Variants in CCDC88C observed in about 807,000 individuals in gnomAD.
CCDC88C encodes the protein coiled-coil and HOOK domain protein 88C.
CCDC88C carries 131 observed loss-of-function variants against 198.8 expected under a neutral mutation model. That is an observed-to-expected ratio of 0.66 (90% CI 0.57 to 0.76). The LOEUF is 0.76. Among genes scored for constraint, CCDC88C ranks in the 30% least tolerant of loss-of-function variants. The probability of loss-of-function intolerance (pLI) is 0.00; values close to 1 mark genes in which losing one functional copy is unlikely to be tolerated. For synonymous variants in CCDC88C, 1,166 were observed against 1,114.7 expected (o/e 1.05, Z -0.92); for missense variants, 2,553 against 2,631.6 (o/e 0.97, Z 0.65).
At chr14:91,324,631 AAC>A (rs1427103488) in intron 12 of CCDC88C, 146 bp downstream of exon 12, 35 of 1,011,494 alleles carry the variant, frequency 3.5e-5, no homozygotes, top group Non-Finnish European at 4.0e-5. Context: ...ACTGTAATGA[AAC>A]AGTTCCAAGT....
Position 91,403,893 on chromosome 14 carries a change from C to T in CCDC88C, c.270+4766G>A, listed in dbSNP as rs1198322804. On this transcript the variant is annotated intron_variant, in intron 3 of 29. Coordinates refer to ENST00000389857, the MANE Select transcript of CCDC88C (RefSeq NM_001080414.4). The stretch of plus-strand genomic sequence containing the variant: ...GTTGCAGTGAGCTAAGACTATACCA[C>T]TGCACTCTAGCCTGGGCGACAGAGA... Among the ~76,000 whole-genome samples the T allele has an allele frequency of 2.0e-5, 3 of 152,362 alleles. No homozygotes were observed. In the East Asian group the frequency reaches 5.8e-4, roughly 29 times the overall value.
chr14:91,303,966 TGGA>T lies in CCDC88C; in HGVS notation c.3367_3369del (p.Ser1123del), dbSNP rs763896652. 1.6e-5 allele frequency: 25 copies of T among 1,602,232 alleles called. No individual in the cohort carries two copies. The highest frequency in any genetic ancestry group is 2.0e-5 in the Non-Finnish European group (24 of 1,176,358). ...AGCGCTGCGCTCTGGGAACTCAGCG[TGGA>T]GTTCTCCACCTGCCGAGAGGGAGAA... is the stretch of plus-strand genomic sequence containing the variant. On this transcript the variant is annotated inframe_deletion, in exon 20 of 30. Coordinates refer to ENST00000389857, the MANE Select transcript of CCDC88C (RefSeq NM_001080414.4).
chr14:91,415,951 G>T (rs1237804127), intron 2 of CCDC88C, among the ~76,000 whole-genome samples: 1 of 152,106 alleles, frequency 6.6e-6, no homozygotes, highest in Admixed American at 6.5e-5. Context: ...AGAACATTAG[G>T]ATGTTTTATT....
chr14:91,401,235 T>C lies in CCDC88C; in HGVS notation c.270+7424A>G, dbSNP rs900198812. ...CTAATCCATAGTAAGAATATATATA[T>C]TTATATATTATATATTATATAATAT... On this transcript the variant is annotated intron_variant, in intron 3 of 29. Coordinates refer to ENST00000389857, the MANE Select transcript of CCDC88C (RefSeq NM_001080414.4). Among the ~76,000 whole-genome samples, 3 of 145,738 alleles carry C rather than the reference T, an allele frequency of 2.1e-5. No homozygotes were observed. In the East Asian group the frequency reaches 5.8e-4, roughly 28 times the overall value.
chr14:91,325,067 A>G lies in CCDC88C; in HGVS notation c.1198-144T>C. 9.5e-7 allele frequency: 1 copy of G among 1,053,742 alleles called. No individual in the cohort carries two copies. The highest frequency in any genetic ancestry group is 1.5e-5 in the South Asian group (1 of 65,392). 65.3% of individuals were successfully genotyped at this position (1,053,742 alleles called of 1,614,324 possible). ...TCCAAATAAACAGAGCTGCACAGAA[A>G]CATCCCAACACAGGGCCCTGCTATG... is the stretch of plus-strand genomic sequence containing the variant. On this transcript the variant is annotated intron_variant, in intron 11 of 29. Coordinates refer to ENST00000389857, the MANE Select transcript of CCDC88C (RefSeq NM_001080414.4). This position sits in a 1 kb window ranked among gnomAD's most constrained non-coding sequence, Gnocchi z 4.1.
chr14:91,339,125 C>G lies in CCDC88C; in HGVS notation c.809+153G>C. ...GCCTCAGAAGGGGAGGCAGCTAGTC[C>G]GAGGTCAAAGAGTAAGCTCAGGGCA... On this transcript the variant is annotated intron_variant, in intron 8 of 29. Transcript: ENST00000389857. The surrounding 1 kb of genome is among the most constrained non-coding windows in gnomAD (Gnocchi z 5.8). 1.1e-6 allele frequency: 1 copy of G among 871,248 alleles called. No homozygotes were observed. Among genetic ancestry groups the G allele is most frequent in the Non-Finnish European group, 1.9e-6 (1 of 539,080 alleles). The allele number at this position is 871,248 out of a possible 1,614,324, so 54.0% of individuals were successfully genotyped here.
rs45608740 is a variant in CCDC88C, at chr14:91,272,508, A to G, written c.*117T>C. The G allele has an allele frequency of 7.3e-3, 7,442 of 1,025,582 alleles. 42 individuals are homozygous for G. Among genetic ancestry groups the G allele is most frequent in the Non-Finnish European group, 8.8e-3 (6,265 of 709,072 alleles). 63.5% of individuals were successfully genotyped at this position (1,025,582 alleles called of 1,614,324 possible). ...AGAACAAACAGCAGAAATGCGTGGG[A>G]ACCCCTTTCCTCATTCCAAACCCTC... On this transcript the variant is annotated 3_prime_UTR_variant, in exon 30 of 30. Transcript: ENST00000389857.
At chr14:91,367,229 TGA>T (rs1894585184) in intron 3 of CCDC88C, among the ~76,000 whole-genome samples, 1 of 152,054 alleles carries the variant, frequency 6.6e-6, no homozygotes, top group Admixed American at 6.6e-5. Flanking sequence ...GCAGAATAAA[TGA>T]GAGGGAAATC....
intron 27 of CCDC88C, among the ~76,000 whole-genome samples, chr14:91,280,597 T>C (rs770995606): frequency 2.0e-5 from 3 of 152,238 alleles, no homozygotes; most frequent in Non-Finnish European, 4.4e-5. Context: ...TTCCCTTCTT[T>C]TTCCTAAGAG....
At chr14:91,377,030 A>G (rs1394023695) in intron 3 of CCDC88C, among the ~76,000 whole-genome samples, 1 of 121,738 alleles carries the variant, frequency 8.2e-6, no homozygotes, top group Non-Finnish European at 1.6e-5. Flanking sequence ...AGTGGCTCTC[A>G]CCCTGTGTCC....
intron 20 of CCDC88C, among the ~76,000 whole-genome samples, chr14:91,300,780 T>C (rs1237747737): frequency 6.6e-6 from 1 of 152,224 alleles, no homozygotes; most frequent in African/African-American, 2.4e-5. Context: ...CAGAGTACAA[T>C]GATGTAGCCC....
chr14:91,283,381 A>G lies in CCDC88C; in HGVS notation c.4578T>C (p.Thr1526=). 6.2e-7 allele frequency: 1 copy of G among 1,613,786 alleles called. No individual in the cohort carries two copies. Residue 1526 remains threonine (T), a synonymous_variant, in exon 26 of 30, where the codon ACT becomes ACC. Coordinates refer to ENST00000389857, the MANE Select transcript of CCDC88C (RefSeq NM_001080414.4). ...TGGGGGTGGAGTTGGAAGGGGCTGT[A>G]GTGGTGGCTGAAGTTGAGCAAGTCC... ...GSRTCSTSAT[T]TAPSNSTPIA...
rs1007666710 is a variant in CCDC88C at position 91,352,981 on chromosome 14, G to T, written c.340+6661C>A. Among the ~76,000 whole-genome samples, 3 of 152,236 alleles carry T rather than the reference G, an allele frequency of 2.0e-5. No individual in the cohort carries two copies. Among genetic ancestry groups the T allele is most frequent in the African/African-American group, 7.2e-5 (3 of 41,462 alleles). ...ACCCAGCCCTCACAAGTTCCCCGGG[G>T]CCCCCGAAGGAAGGCAGGGCTGTGC... On this transcript the variant is annotated intron_variant, in intron 4 of 29. Transcript: ENST00000389857. The surrounding 1 kb of genome is among the most constrained non-coding windows in gnomAD (Gnocchi z 4.2).
At chr14:91,384,657 C>G (rs999047872) in intron 3 of CCDC88C, 1 of 381,450 alleles carries the variant, frequency 2.6e-6, no homozygotes, top group Non-Finnish European at 5.2e-6. Context: ...CCAGCCTACC[C>G]CAACTGCACA....
chr14:91,283,796 G>A (rs186621369), intron 25 of CCDC88C, among the ~76,000 whole-genome samples: 2 of 152,334 alleles, frequency 1.3e-5, no homozygotes, highest in African/African-American at 2.4e-5. Context: ...GGAGACAAAG[G>A]GAGCCCCTGA....
chr14:91,354,656 T>C (rs1485598000), intron 4 of CCDC88C, among the ~76,000 whole-genome samples: 1 of 152,132 alleles, frequency 6.6e-6, no homozygotes, highest in African/African-American at 2.4e-5. Flanking sequence ...GGGCCCCAGC[T>C]TGACGGGAGA....
At position 91,288,996 on chromosome 14, in the gene CCDC88C, A is replaced by C. The variant is rs1459617426; in HGVS notation, c.4441+109T>G. 1 of 839,770 alleles carries C rather than the reference A, an allele frequency of 1.2e-6. No homozygotes were observed. The highest frequency in any genetic ancestry group is 2.7e-5 in the East Asian group (1 of 37,316). 52.0% of individuals were successfully genotyped at this position (839,770 alleles called of 1,614,324 possible). A position where few individuals can be genotyped will look rare whatever the true frequency, so the allele number is the denominator to read the frequency against. ...CACATCTAAGCGAAGGCGCACATGCAGTCACCCACCCCTGGCACGTTCCTG... is the reference window on the plus strand; with the variant it reads ...CACATCTAAGCGAAGGCGCACATGCCGTCACCCACCCCTGGCACGTTCCTG... On this transcript the variant is annotated intron_variant, in intron 25 of 29. Coordinates refer to ENST00000389857, the MANE Select transcript of CCDC88C (RefSeq NM_001080414.4). The surrounding 1 kb of genome is among the most constrained non-coding windows in gnomAD (Gnocchi z 4.2).
In CCDC88C at chr14:91,339,279, G is replaced by A. The variant is rs764616465; in HGVS notation, c.808C>T (p.Leu270=). The change falls in exon 8 of 30, where the codon CTG becomes TTG. Residue 270 remains leucine, a splice_region_variant and synonymous_variant. Transcript: ENST00000389857. The surrounding 1 kb of genome is among the most constrained non-coding windows in gnomAD (Gnocchi z 5.8). ...KARLRRVRQE[L]EDKTEQLVDT... The stretch of plus-strand genomic sequence containing the variant: ...TAGGAGAAGCAGCCGGGGACTCACA[G>A]CTCCTGCCTGACGCGCCGCAGCCTG... 10 of 1,612,404 alleles carry A rather than the reference G, an allele frequency of 6.2e-6. No homozygotes were observed. The highest frequency in any genetic ancestry group is 8.5e-6 in the Non-Finnish European group (10 of 1,179,814).
Position 91,338,197 on chromosome 14 carries a change from T to C in CCDC88C, c.892-34A>G, listed in dbSNP as rs750100122. The C allele has an allele frequency of 6.2e-7, 1 of 1,608,424 alleles. No individual in the cohort carries two copies. The highest frequency in any genetic ancestry group is 2.2e-5 in the East Asian group (1 of 44,756). ...TGGACAAAGGCAGGAGAACCTAGCT[T>C]AGGGCATCCTCTAGGAAGGGCAGAA... On this transcript the variant is annotated intron_variant, in intron 9 of 29. Coordinates refer to ENST00000389857, the MANE Select transcript of CCDC88C (RefSeq NM_001080414.4). The surrounding 1 kb of genome is among the most constrained non-coding windows in gnomAD (Gnocchi z 4.8).
Sources: gnomAD v4.1 joint callset for allele counts (sites outside exome capture counted in the v4.1 genomes callset) on GRCh38, gnomAD v4.1.1 for gene constraint, Gnocchi (gnomAD v3.1) non-coding constraint, MANE v1.5 for transcripts, NCBI Gene and HGNC (gene_info 2026-07-23, HGNC 2026-07-21) for gene names.